The following CHLSN variants were observed in gnomAD, a reference collection of about 807,000 sequenced individuals.
The protein encoded by CHLSN is protein cholesin.
chr7:1,027,675 A>C, the CHLSN span, among the ~76,000 whole-genome samples: 1 of 152,236 alleles, frequency 6.6e-6, no homozygotes, highest in African/African-American at 2.4e-5. Flanking sequence ...TCGCACTAGC[A>C]CCCACCGCGC....
the CHLSN span, among the ~76,000 whole-genome samples, chr7:980,609 G>A: frequency 6.6e-6 from 1 of 151,994 alleles, no homozygotes; most frequent in Non-Finnish European, 1.5e-5. Context: ...ATGCACACCC[G>A]GCCATGCCCC....
chr7:1,064,642 C>T, the CHLSN span, among the ~76,000 whole-genome samples: 1 of 152,196 alleles, frequency 6.6e-6, no homozygotes. Context: ...GCTGAGTCTC[C>T]AGAGCCAGCC....
the CHLSN span, among the ~76,000 whole-genome samples, chr7:1,076,726 G>A: frequency 3.9e-5 from 6 of 152,338 alleles, no homozygotes; most frequent in East Asian, 9.7e-4. Flanking sequence ...TTCAGGGACC[G>A]GTGGCCTTGG....
At chr7:1,044,723 G>A in the CHLSN span, 4 of 152,358 alleles carry the variant, frequency 2.6e-5, no homozygotes, top group East Asian at 7.7e-4. Context: ...CCTGGGGAGG[G>A]AGCCAGCCCC....
At chr7:1,121,993 G>T in the CHLSN span, among the ~76,000 whole-genome samples, 1 of 152,214 alleles carries the variant, frequency 6.6e-6, no homozygotes, top group Non-Finnish European at 1.5e-5. Context: ...AGCCCTCATG[G>T]TCCTTACACG....
At chr7:996,614 C>T in the CHLSN span, among the ~76,000 whole-genome samples, 1 of 152,220 alleles carries the variant, frequency 6.6e-6, no homozygotes, top group Non-Finnish European at 1.5e-5. Context: ...CACAGTGGGG[C>T]ACGGACCTCC....
At chr7:1,008,795 C>T in the CHLSN span, among the ~76,000 whole-genome samples, 1 of 150,224 alleles carries the variant, frequency 6.7e-6, no homozygotes, top group African/African-American at 2.5e-5. Flanking sequence ...CACATGTACA[C>T]ACGTGTATAC....
At chr7:1,106,278 G>T in the CHLSN span, among the ~76,000 whole-genome samples, 1 of 152,188 alleles carries the variant, frequency 6.6e-6, no homozygotes, top group Non-Finnish European at 1.5e-5. Flanking sequence ...CCTGGTCCCT[G>T]CACAGACTCA....
chr7:1,120,027 AG>A, the CHLSN span, among the ~76,000 whole-genome samples: 2 of 152,144 alleles, frequency 1.3e-5, no homozygotes, highest in Admixed American at 6.5e-5. Context: ...TTCTTTCGGA[AG>A]AAAAAAACAG....
the CHLSN span, among the ~76,000 whole-genome samples, chr7:1,095,414 C>G: frequency 6.6e-6 from 1 of 152,152 alleles, no homozygotes; most frequent in African/African-American, 2.4e-5. Flanking sequence ...CTTTTGACCT[C>G]AGTGTTGCTG....
At chr7:990,938 G>C in the CHLSN span, among the ~76,000 whole-genome samples, 1 of 151,970 alleles carries the variant, frequency 6.6e-6, no homozygotes, top group Admixed American at 6.6e-5. Flanking sequence ...GGGTGGGGTG[G>C]AGGACTCAGG....
At chr7:1,016,121 A>G in the CHLSN span, among the ~76,000 whole-genome samples, 51 of 74,356 alleles carry the variant, frequency 6.9e-4, 2 homozygotes, top group Non-Finnish European at 8.5e-4. Context: ...GCACAGCAGC[A>G]CACAGCAGCA....
chr7:1,100,226 C>G, the CHLSN span, among the ~76,000 whole-genome samples: 1 of 152,206 alleles, frequency 6.6e-6, no homozygotes, highest in Admixed American at 6.5e-5. Flanking sequence ...CTCAGTGGAG[C>G]CCCATGTCTC....
the CHLSN span, among the ~76,000 whole-genome samples, chr7:1,107,089 G>C: frequency 2.0e-5 from 3 of 152,218 alleles, no homozygotes; most frequent in Non-Finnish European, 2.9e-5. Context: ...AAGGAAGGAA[G>C]CTCAAATGCT....
the CHLSN span, chr7:1,092,333 A>C: frequency 6.2e-7 from 1 of 1,611,482 alleles, no homozygotes; most frequent in Non-Finnish European, 8.5e-7. Context: ...CAGCACACCG[A>C]CGAGGCCTGC....
At chr7:1,000,586 G>A in the CHLSN span, 1 of 1,541,440 alleles carries the variant, frequency 6.5e-7, no homozygotes. Flanking sequence ...CAGGGTGCTG[G>A]GCAAAAGACT....
chr7:1,024,835 TCCA>T, the CHLSN span: 2 of 152,240 alleles, frequency 1.3e-5, no homozygotes, highest in African/African-American at 4.8e-5. Flanking sequence ...TGATGCACAC[TCCA>T]CCATTTCACA....
At chr7:1,096,829 C>T in the CHLSN span, among the ~76,000 whole-genome samples, 5 of 152,236 alleles carry the variant, frequency 3.3e-5, no homozygotes, top group South Asian at 8.3e-4. The surrounding 1 kb of genome is among the most constrained non-coding windows in gnomAD (Gnocchi z 4.6). Flanking sequence ...GAAGCGGCAG[C>T]GGTGGGCTCA....
the CHLSN span, among the ~76,000 whole-genome samples, chr7:978,699 C>G: frequency 6.6e-6 from 1 of 152,380 alleles, no homozygotes; most frequent in East Asian, 1.9e-4. Flanking sequence ...TTATCCTCAT[C>G]TGACACAGAG....
Sources: gnomAD v4.1 joint callset for allele counts (sites outside exome capture counted in the v4.1 genomes callset) on GRCh38, gnomAD v4.1.1 for gene constraint, Gnocchi (gnomAD v3.1) non-coding constraint, MANE v1.5 for transcripts, NCBI Gene and HGNC (gene_info 2026-07-23, HGNC 2026-07-21) for gene names.